TULP4: variants seen among roughly 807,000 people sequenced by gnomAD.
TULP4 encodes TUB like protein 4.
Under a neutral mutation model 129.0 loss-of-function variants are expected in TULP4, and 16 were observed. The observed-to-expected ratio is 0.12, with a 90% CI of 0.08 to 0.19. The LOEUF (loss-of-function observed/expected upper bound fraction) is 0.19. TULP4 is among the 10% of genes least tolerant of loss of function. TULP4 has a pLI of 1.00. For synonymous variants in TULP4, 998 were observed against 854.0 expected (o/e 1.17, Z -2.94); for missense variants, 1,842 against 2,059.1 (o/e 0.89, Z 2.04).
At chr6:158,328,904 C>A (rs1779810565) in intron 1 of TULP4, among the ~76,000 whole-genome samples, 2 of 152,234 alleles carry the variant, frequency 1.3e-5, no homozygotes, top group South Asian at 2.1e-4. Flanking sequence ...GAAATGAATC[C>A]TTAGTGCACT....
chr6:158,429,625 A>C, intron 2 of TULP4, 111 bp from the exon 3 acceptor site: 1 of 1,163,578 alleles, frequency 8.6e-7, no homozygotes, highest in Non-Finnish European at 1.2e-6. Context: ...TTATATTTTA[A>C]GGCCATCTCC....
At chr6:158,390,983 G>A (rs966077811) in intron 1 of TULP4, among the ~76,000 whole-genome samples, 13 of 152,022 alleles carry the variant, frequency 8.6e-5, no homozygotes, top group African/African-American at 4.8e-5. Context: ...AGGCTGAGGC[G>A]GGAGAATTGC....
At chr6:158,271,287 CAAGTT>C (rs1778541369) in intron 1 of TULP4, among the ~76,000 whole-genome samples, 1 of 151,868 alleles carries the variant, frequency 6.6e-6, no homozygotes, top group Admixed American at 6.6e-5. Flanking sequence ...ATTTAAAGGC[CAAGTT>C]AAGTGGGTGC....
chr6:158,400,474 A>G (rs1287119108), intron 1 of TULP4, among the ~76,000 whole-genome samples: 1 of 152,080 alleles, frequency 6.6e-6, no homozygotes, highest in East Asian at 1.9e-4. Context: ...GTGTGTGTGT[A>G]GATCCGTATC....
Position 158,413,703 on chromosome 6 carries a change from G to T in TULP4, c.381+510G>T, listed in dbSNP as rs946281176. On this transcript the variant is annotated intron_variant, in intron 2 of 13. Coordinates refer to ENST00000367097, the MANE Select transcript of TULP4 (RefSeq NM_020245.5). This position sits in a 1 kb window ranked among gnomAD's most constrained non-coding sequence, Gnocchi z 4.9. ...TTCCTTTCTGACACAGTTTGTCTCT[G>T]CTCTCAGGAAACAGTTGCACCCAGG... Among the ~76,000 whole-genome samples, 1 of 149,098 alleles carries T rather than the reference G, an allele frequency of 6.7e-6. No homozygotes were observed. The highest frequency in any genetic ancestry group is 2.4e-5 in the African/African-American group (1 of 41,232).
Position 158,313,523 on chromosome 6 carries a change from C to T in TULP4, c.-494C>T. ...TGTGTATTCTGTCTCTGCATCCGAACTTTTGAAGAGAAAAATTCGAGCTAG... is the reference window on the plus strand; with the variant it reads ...TGTGTATTCTGTCTCTGCATCCGAATTTTTGAAGAGAAAAATTCGAGCTAG... On this transcript the variant is annotated 5_prime_UTR_variant, in exon 1 of 14. Transcript: ENST00000367097. The T allele has an allele frequency of 2.5e-6, 1 of 402,090 alleles. No individual in the cohort carries two copies. Among genetic ancestry groups the T allele is most frequent in the Non-Finnish European group, 4.4e-6 (1 of 228,300 alleles). The allele number at this position is 402,090 out of a possible 1,614,324, so 24.9% of individuals were successfully genotyped here.
chr6:158,361,142 T>A (rs1780778729), intron 1 of TULP4, among the ~76,000 whole-genome samples: 1 of 152,230 alleles, frequency 6.6e-6, no homozygotes, highest in African/African-American at 2.4e-5. Flanking sequence ...TAGAATTGCT[T>A]CTGTGGTGAT....
intron 1 of TULP4, among the ~76,000 whole-genome samples, chr6:158,400,347 T>A (rs534344082): frequency 6.6e-6 from 1 of 152,336 alleles, no homozygotes; most frequent in South Asian, 2.1e-4. Flanking sequence ...GTATATACAT[T>A]ACAGTCAACC....
intron 1 of TULP4, among the ~76,000 whole-genome samples, chr6:158,254,987 A>C (rs1402170216): frequency 6.6e-6 from 1 of 152,010 alleles, no homozygotes; most frequent in African/African-American, 2.4e-5. Context: ...CAGGAGAATC[A>C]CTTGAACCCA....
At chr6:158,270,077 A>G (rs1169602991) in intron 1 of TULP4, among the ~76,000 whole-genome samples, 1 of 152,230 alleles carries the variant, frequency 6.6e-6, no homozygotes, top group Non-Finnish European at 1.5e-5. Flanking sequence ...AATATACGTT[A>G]ATTCTACTCT....
intron 1 of TULP4, among the ~76,000 whole-genome samples, chr6:158,234,230 A>G (rs1039574182): frequency 6.6e-6 from 1 of 152,194 alleles, no homozygotes; most frequent in African/African-American, 2.4e-5. Context: ...TTTTTTACCT[A>G]CCAAAACTCT....
intron 1 of TULP4, among the ~76,000 whole-genome samples, chr6:158,265,491 C>G (rs1310692491): frequency 6.6e-6 from 1 of 151,664 alleles, no homozygotes; most frequent in Non-Finnish European, 1.5e-5. Flanking sequence ...ACCAGCCTGG[C>G]CAACATGGTG....
intron 1 of TULP4, among the ~76,000 whole-genome samples, chr6:158,359,604 T>A (rs924132151): frequency 3.9e-5 from 6 of 152,126 alleles, no homozygotes; most frequent in Non-Finnish European, 7.4e-5. Context: ...CTGGTCACGA[T>A]GGCAGTTGAT....
upstream of TULP4, among the ~76,000 whole-genome samples, chr6:158,281,730 T>C (rs1778756687): frequency 6.6e-6 from 1 of 152,208 alleles, no homozygotes; most frequent in Non-Finnish European, 1.5e-5. Context: ...AAACACTGCT[T>C]TTACTGAGTT....
At chr6:158,262,654 C>T (rs543056472) in intron 1 of TULP4, among the ~76,000 whole-genome samples, 23 of 152,166 alleles carry the variant, frequency 1.5e-4, no homozygotes, top group Admixed American at 6.5e-4. Context: ...GTGAGGATTC[C>T]GGAAGAGTCT....
At chr6:158,309,159 T>C (rs76871710), upstream of TULP4, among the ~76,000 whole-genome samples, 1,045 of 14,990 alleles carry the variant, frequency 0.07, 189 homozygotes, top group Admixed American at 0.18. Flanking sequence ...GCAGAGGGGC[T>C]CCTCACTTCT....
In TULP4 at chr6:158,432,534, G is replaced by T. The variant is rs183748016; in HGVS notation, c.543+2637G>T. Among the ~76,000 whole-genome samples, 10 of 152,272 alleles carry T rather than the reference G, an allele frequency of 6.6e-5. No homozygotes were observed. The East Asian group carries it at 1.9e-3, about 29-fold the overall frequency. On this transcript the variant is annotated intron_variant, in intron 3 of 13. Coordinates refer to ENST00000367097, the MANE Select transcript of TULP4 (RefSeq NM_020245.5). The stretch of plus-strand genomic sequence containing the variant: ...CTTGAGCTATATTGGATTATAGTGG[G>T]ATTTTAGGCTACTTCCTGTCAACTT...
At chr6:158,486,290 G>A (rs1273014258) in intron 8 of TULP4, among the ~76,000 whole-genome samples, 1 of 152,158 alleles carries the variant, frequency 6.6e-6, no homozygotes, top group Non-Finnish European at 1.5e-5. Context: ...AGAAGACAAG[G>A]ACTAACTAAC....
At position 158,374,649 on chromosome 6, in the gene TULP4, GAGCAGTATCCTTTTCCAAT is replaced by G. The variant is rs201848034; in HGVS notation, c.253-38389_253-38371del. ...TAGAAGTGGACAAAGCTGTTTATAA[GAGCAGTATCCTTTTCCAAT>G]AGCAGTATCCTTTTCCAATAGCAGT... is the stretch of plus-strand genomic sequence containing the variant. On this transcript the variant is annotated intron_variant, in intron 1 of 13. Transcript: ENST00000367097. 2.2e-3 allele frequency among the ~76,000 whole-genome samples: 330 copies of G among 152,290 alleles called. 2 individuals carry two copies. Among genetic ancestry groups the G allele is most frequent in the Non-Finnish European group, 3.8e-3 (261 of 68,024 alleles).
Sources: gnomAD v4.1 joint callset for allele counts (sites outside exome capture counted in the v4.1 genomes callset) on GRCh38, gnomAD v4.1.1 for gene constraint, Gnocchi (gnomAD v3.1) non-coding constraint, MANE v1.5 for transcripts, NCBI Gene and HGNC (gene_info 2026-07-23, HGNC 2026-07-21) for gene names.